The following CLPTM1L variants were observed in gnomAD, a reference collection of about 807,000 sequenced individuals.
The protein encoded by CLPTM1L is lipid scramblase CLPTM1L.
CLPTM1L carries 38 observed loss-of-function variants against 70.9 expected under a neutral mutation model. The observed-to-expected ratio is 0.54, with a 90% CI of 0.41 to 0.70. CLPTM1L has a LOEUF of 0.70. CLPTM1L is among the 30% of genes least tolerant of loss of function. The pLI, the probability that CLPTM1L is intolerant of heterozygous loss-of-function variation, is 0.00. For missense variants in CLPTM1L, 652 were observed against 705.9 expected, an observed-to-expected ratio of 0.92 and a Z score of 0.87; for synonymous variants, 339 against 299.9, an observed-to-expected ratio of 1.13 and a Z score of -1.35.
chr5:1,327,888 A>G (rs71575557), intron 9 of CLPTM1L, among the ~76,000 whole-genome samples: 1 of 124,064 alleles, frequency 8.1e-6, no homozygotes, highest in East Asian at 2.4e-4. Flanking sequence ...CCTCCTCTAC[A>G]GGGACATTCC....
rs3222913 is a variant in CLPTM1L at position 1,342,039 on chromosome 5, T to TGTGCGCGCGC, written c.264-180_264-179insGCGCGCGCAC. 4.8e-4 allele frequency among the ~76,000 whole-genome samples: 72 copies of TGTGCGCGCGC among 149,088 alleles called. 1 individual carries two copies. The highest frequency in any genetic ancestry group is 8.0e-4 in the African/African-American group (32 of 39,784). ...GTGTGTGTGTGTGTGTGTGTGTGTG[T>TGTGCGCGCGC]GCACGCGCACGCGTGCGCGTCCTGA... On this transcript the variant is annotated intron_variant, in intron 2 of 16. Coordinates refer to ENST00000320895, the MANE Select transcript of CLPTM1L (RefSeq NM_030782.5). The surrounding 1 kb of genome is among the most constrained non-coding windows in gnomAD (Gnocchi z 4.3).
chr5:1,333,743 G>C (rs1753347133), intron 7 of CLPTM1L, among the ~76,000 whole-genome samples: 1 of 123,388 alleles, frequency 8.1e-6, no homozygotes, highest in East Asian at 2.9e-4. Flanking sequence ...ATGAGGATAA[G>C]GGGGGACTAC....
At chr5:1,321,853 G>T in intron 13 of CLPTM1L, 34 bp from the exon 14 acceptor site, 1 of 1,598,548 alleles carries the variant, frequency 6.3e-7, no homozygotes, top group Non-Finnish European at 8.5e-7. Context: ...ACGAGGTGCG[G>T]AGGGCCGGGC....
At chr5:1,334,225 A>C in intron 7 of CLPTM1L, 64 bp downstream of exon 7, 1 of 1,217,524 alleles carries the variant, frequency 8.2e-7, no homozygotes, top group Non-Finnish European at 1.2e-6. Context: ...GGACCCCTGC[A>C]GGAGGCCCGG....
chr5:1,335,270 CTG>C (rs3030832), intron 5 of CLPTM1L, 96 bp from the exon 6 acceptor site: 166,960 of 933,104 alleles, frequency 0.18, 17,301 homozygotes, highest in Non-Finnish European at 0.21. Flanking sequence ...CTTCCCATCC[CTG>C]TGTGGCCCCA....
intron 6 of CLPTM1L, 101 bp downstream of exon 6, chr5:1,334,956 C>G (rs1201462080): frequency 3.9e-6 from 3 of 764,576 alleles, no homozygotes; most frequent in Admixed American, 4.3e-5. Context: ...GGATCTGCAG[C>G]AGGAGGCGAG....
chr5:1,338,036 T>C (rs369621427), intron 4 of CLPTM1L, 54 bp from the exon 5 acceptor site: 15 of 1,398,226 alleles, frequency 1.1e-5, no homozygotes, highest in Non-Finnish European at 1.5e-5. Context: ...TACCTTTCAA[T>C]GAATGAACAC....
In CLPTM1L at chr5:1,323,001, CCTCTGAAAATACCCAGATG is replaced by C. The variant is rs1374142901; in HGVS notation, c.1281-109_1281-91del. ...GAAAAATAATTCTTTCATTAAAAAT[CCTCTGAAAATACCCAGATG>C]CTCTCACGGCAGCTCGGCAGCCAAG... On this transcript the variant is annotated intron_variant, in intron 12 of 16. Transcript: ENST00000320895. 6.0e-6 allele frequency: 8 copies of C among 1,330,318 alleles called. No homozygotes were observed. In the African/African-American group the frequency reaches 8.7e-5, roughly 14 times the overall value. 82.4% of individuals were successfully genotyped at this position (1,330,318 alleles called of 1,614,324 possible).
chr5:1,323,981 G>C, intron 11 of CLPTM1L, 112 bp from the exon 12 acceptor site: 1 of 835,560 alleles, frequency 1.2e-6, no homozygotes. Context: ...ACAGCGCTCA[G>C]GGTGGCAGGG....
Position 1,325,687 on chromosome 5 carries a change from C to G in CLPTM1L, c.1146+64G>C, listed in dbSNP as rs186758049. On this transcript the variant is annotated intron_variant, in intron 10 of 16. Coordinates refer to ENST00000320895, the MANE Select transcript of CLPTM1L (RefSeq NM_030782.5). ...CTGCAGATGGCCATCTTACTCTTTGCACAGGGGGCAAAATCACACTCTTCA... is the reference window on the plus strand; with the variant it reads ...CTGCAGATGGCCATCTTACTCTTTGGACAGGGGGCAAAATCACACTCTTCA... 26 of 1,411,628 alleles carry G rather than the reference C, an allele frequency of 1.8e-5. No homozygotes were observed. In the African/African-American group the frequency reaches 3.0e-4, roughly 16 times the overall value. The allele number at this position is 1,411,628 out of a possible 1,614,324, so 87.4% of individuals were successfully genotyped here.
At position 1,330,296 on chromosome 5, in the gene CLPTM1L, A is replaced by G. The variant is rs557678777; in HGVS notation, c.1064T>C (p.Val355Ala). Residue 355 changes from valine to alanine, a missense_variant, in exon 9 of 17, where the codon GTT becomes GCT. By Grantham distance (64) the Val-to-Ala change is moderately conservative (BLOSUM62 0). Transcript: ENST00000320895. Reference protein sequence around the residue: ...TSLLVLVPAGVGAAIELWKVK... With the variant: ...TSLLVLVPAGAGAAIELWKVK... ...GGAACTCACCTCAATGGCGGCTCCA[A>G]CACCCGCCGGGACCAGCACCAGCAG... 87 of 1,612,590 alleles carry G rather than the reference A, an allele frequency of 5.4e-5. No individual in the cohort carries two copies. The South Asian group carries it at 8.8e-4, about 16-fold the overall frequency.
Position 1,336,911 on chromosome 5 carries a change from C to A in CLPTM1L, c.678+993G>T, listed in dbSNP as rs556342808. On this transcript the variant is annotated intron_variant, in intron 5 of 16. Coordinates refer to ENST00000320895, the MANE Select transcript of CLPTM1L (RefSeq NM_030782.5). Reference sequence around the variant, plus strand: ...AGCAGGGCCTGGGCAGAGATCAAAGCAGCCAGGTGCTCGCTTCTCCGTTTC... The same window carrying A: ...AGCAGGGCCTGGGCAGAGATCAAAGAAGCCAGGTGCTCGCTTCTCCGTTTC... Among the ~76,000 whole-genome samples the A allele has an allele frequency of 1.3e-3, 198 of 152,342 alleles. 1 individual carries two copies. The highest frequency in any genetic ancestry group is 4.3e-3 in the African/African-American group (179 of 41,570).
chr5:1,344,606 G>T, intron 1 of CLPTM1L, 74 bp downstream of exon 1: 1 of 1,502,760 alleles, frequency 6.7e-7, no homozygotes, highest in Non-Finnish European at 9.0e-7. Context: ...ACTGGGACGG[G>T]AAGGCGACGT....
chr5:1,341,537 C>T, intron 3 of CLPTM1L, 134 bp downstream of exon 3: 1 of 673,342 alleles, frequency 1.5e-6, no homozygotes, highest in Non-Finnish European at 2.5e-6. Flanking sequence ...ACGCCAGTAA[C>T]ATTCCAATGG....
At chr5:1,338,171 CT>C (rs746336543) in intron 4 of CLPTM1L, 189 bp from the exon 5 acceptor site, 3 of 608,612 alleles carry the variant, frequency 4.9e-6, no homozygotes, top group Non-Finnish European at 8.9e-6. Flanking sequence ...CATATGCACG[CT>C]TGTGAGACCC....
rs115350093 is a variant in CLPTM1L, at chr5:1,332,203, C to T, written c.892-320G>A. The T allele has an allele frequency of 4.0e-3, 1,346 of 336,248 alleles. 10 individuals carry two copies. Among genetic ancestry groups the T allele is most frequent in the African/African-American group, 0.015 (732 of 48,616 alleles). 20.8% of individuals were successfully genotyped at this position (336,248 alleles called of 1,614,324 possible). On this transcript the variant is annotated intron_variant, in intron 7 of 16. Coordinates refer to ENST00000320895, the MANE Select transcript of CLPTM1L (RefSeq NM_030782.5). ...GGGCCTGGCTGGGCACCCCTGCTCT[C>T]GGGTTGTGCCCACTCAGGGCAGCCT...
intron 5 of CLPTM1L, among the ~76,000 whole-genome samples, chr5:1,335,401 G>A (rs1050900193): frequency 2.0e-5 from 3 of 152,220 alleles, no homozygotes; most frequent in Non-Finnish European, 4.4e-5. Flanking sequence ...CCAGGACCCC[G>A]TGAGCTCAGC....
chr5:1,341,888 A>C, intron 2 of CLPTM1L, 28 bp from the exon 3 acceptor site: 1 of 1,556,612 alleles, frequency 6.4e-7, no homozygotes. Context: ...TTTCCACTAC[A>C]TACATATTAT....
At chr5:1,324,534 G>GGGAT (rs1426936465) in intron 11 of CLPTM1L, among the ~76,000 whole-genome samples, 1 of 152,244 alleles carries the variant, frequency 6.6e-6, no homozygotes, top group Non-Finnish European at 1.5e-5. Context: ...ACTATACGGT[G>GGGAT]ACACAGGCAG....
Sources: allele counts gnomAD v4.1 joint callset (sites outside exome capture counted in the v4.1 genomes callset), GRCh38; gene constraint gnomAD v4.1.1; non-coding constraint Gnocchi (gnomAD v3.1); transcripts MANE v1.5; gene names NCBI Gene and HGNC (gene_info 2026-07-23, HGNC 2026-07-21).